SPECC1: variants seen among roughly 807,000 people sequenced by gnomAD.
The protein encoded by SPECC1 is sperm antigen with calponin homology and coiled-coil domains 1.
In SPECC1, 62 loss-of-function variants were observed where a neutral mutation model predicts 104.1. The observed-to-expected ratio is 0.60, with a 90% CI of 0.49 to 0.74. The LOEUF (loss-of-function observed/expected upper bound fraction) is 0.74, where lower values mean the gene tolerates loss of function less well. SPECC1 is among the 30% of genes least tolerant of loss of function. SPECC1 has a pLI of 0.00. For synonymous variants in SPECC1, 513 were observed against 501.6 expected, an observed-to-expected ratio of 1.02 and a Z score of -0.30; for missense variants, 1,306 against 1,310.5, an observed-to-expected ratio of 1.00 and a Z score of 0.05.
chr17:20,257,319 A>G (rs2151584062), intron 10 of SPECC1, 132 bp from the exon 11 acceptor site: 1 of 1,071,108 alleles, frequency 9.3e-7, no homozygotes, highest in East Asian at 2.7e-5. Flanking sequence ...TTGCATTTTT[A>G]TTACTTCAGA....
At chr17:20,182,093 T>C (rs1049828564) in intron 3 of SPECC1, among the ~76,000 whole-genome samples, 2 of 143,116 alleles carry the variant, frequency 1.4e-5, no homozygotes, top group Non-Finnish European at 3.0e-5. Context: ...CAGACAAACC[T>C]CAATTTTTTC....
At chr17:20,235,178 C>T (rs1389642717) in intron 7 of SPECC1, among the ~76,000 whole-genome samples, 1 of 152,058 alleles carries the variant, frequency 6.6e-6, no homozygotes, top group Admixed American at 6.6e-5. Context: ...GTAAGAAACT[C>T]CAGTGCCAGC....
At chr17:20,147,081 A>ATTTT (rs71157859) in intron 3 of SPECC1, among the ~76,000 whole-genome samples, 2 of 125,698 alleles carry the variant, frequency 1.6e-5, no homozygotes, top group African/African-American at 3.0e-5. Flanking sequence ...ATGGATCGTG[A>ATTTT]TTTTTTTTTT....
In SPECC1 at chr17:20,315,513, G is replaced by A. The variant is rs1409524857; in HGVS notation, c.*1448G>A. 1.3e-5 allele frequency: 3 copies of A among 232,766 alleles called. No homozygotes were observed. Among genetic ancestry groups the A allele is most frequent in the East Asian group, 1.2e-4 (2 of 16,508 alleles). The allele number at this position is 232,766 out of a possible 1,614,324, so 14.4% of individuals were successfully genotyped here. A position where few individuals can be genotyped will look rare whatever the true frequency, so the allele number is the denominator to read the frequency against. On this transcript the variant is annotated 3_prime_UTR_variant, in exon 15 of 15. Coordinates refer to ENST00000395527, the MANE Select transcript of SPECC1 (RefSeq NM_001243439.2). ...GGGAAATGGGTAATGCCCATCCCTT[G>A]CTGTTTTAAGTGCCAAATAGCGTGT...
chr17:20,275,461 G>C (rs1215406318), intron 12 of SPECC1, among the ~76,000 whole-genome samples: 1 of 152,082 alleles, frequency 6.6e-6, no homozygotes, highest in African/African-American at 2.4e-5. Context: ...TTCTGTAGTA[G>C]GATTAATGAC....
chr17:20,249,734 G>A (rs1008225271), intron 9 of SPECC1, among the ~76,000 whole-genome samples: 16 of 152,084 alleles, frequency 1.1e-4, no homozygotes, highest in Admixed American at 1.0e-3. Context: ...TTAAAGAACT[G>A]AAGACAAGTC....
intron 4 of SPECC1, among the ~76,000 whole-genome samples, chr17:20,216,517 T>C (rs1229538374): frequency 1.3e-5 from 2 of 151,644 alleles, no homozygotes; most frequent in Non-Finnish European, 2.9e-5. Context: ...ACAAGCATGG[T>C]GTGGGGGTGG....
chr17:20,246,094 A>G (rs752380197), intron 8 of SPECC1, 23 bp downstream of exon 8: 7 of 1,611,792 alleles, frequency 4.3e-6, no homozygotes, highest in South Asian at 2.2e-5. Flanking sequence ...TTTTTCTATA[A>G]GCAAAGCTCC....
chr17:20,305,781 T>G (rs2041742058), intron 13 of SPECC1: 2 of 440,410 alleles, frequency 4.5e-6, no homozygotes, highest in South Asian at 4.1e-5. Flanking sequence ...ACCTAAATCT[T>G]GACAAAGGTA....
Position 20,205,584 on chromosome 17 carries a change from T to G in SPECC1, c.1535T>G (p.Leu512Arg). The G allele has an allele frequency of 6.2e-7, 1 of 1,614,068 alleles. No homozygotes were observed. Among genetic ancestry groups the G allele is most frequent in the Non-Finnish European group, 8.5e-7 (1 of 1,180,012 alleles). Reference protein sequence around the residue: ...NQGALEMIKRLKEENEKLNEF... With the variant: ...NQGALEMIKRRKEENEKLNEF... ...GGAGCTTTAGAAATGATTAAACGTC[T>G]GAAGGAAGAAAATGAAAAACTGAAT... The change falls in exon 4 of 15, where the codon CTG becomes CGG. Residue 512 changes from leucine (L) to arginine (R), a missense_variant. Leu to Arg is a moderately radical substitution (Grantham distance 102, BLOSUM62 -2). Transcript: ENST00000395527.
chr17:20,211,459 C>T (rs2037143528), intron 4 of SPECC1, among the ~76,000 whole-genome samples: 1 of 152,250 alleles, frequency 6.6e-6, no homozygotes, highest in Non-Finnish European at 1.5e-5. Context: ...TAAGCCTCTG[C>T]TCAAGGGGCT....
At chr17:20,211,626 G>A (rs1000640436) in intron 4 of SPECC1, among the ~76,000 whole-genome samples, 1 of 152,358 alleles carries the variant, frequency 6.6e-6, no homozygotes, top group Non-Finnish European at 1.5e-5. Flanking sequence ...GGAACTCATG[G>A]CATGTCTGCC....
chr17:20,258,316 G>A (rs933928094), intron 11 of SPECC1, among the ~76,000 whole-genome samples: 2 of 152,170 alleles, frequency 1.3e-5, no homozygotes, highest in African/African-American at 4.8e-5. Context: ...GTTGGCAGAG[G>A]GAGAGGATGG....
intron 3 of SPECC1, among the ~76,000 whole-genome samples, chr17:20,164,533 G>C (rs1294292614): frequency 6.6e-6 from 1 of 152,100 alleles, no homozygotes; most frequent in East Asian, 1.9e-4. Context: ...ACAGGGACAA[G>C]GTTGGGATTC....
chr17:20,213,262 T>C (rs1219243663), intron 4 of SPECC1, among the ~76,000 whole-genome samples: 1 of 152,040 alleles, frequency 6.6e-6, no homozygotes, highest in Non-Finnish European at 1.5e-5. Context: ...TATGCCCAAT[T>C]TTTTATTTTT....
Position 20,247,320 on chromosome 17 carries a change from GTA to G in SPECC1, c.2598+2_2598+3del. The G allele has an allele frequency of 6.2e-7, 1 of 1,609,346 alleles. No homozygotes were observed. Among genetic ancestry groups the G allele is most frequent in the South Asian group, 1.1e-5 (1 of 90,566 alleles). On this transcript the variant is annotated splice_donor_variant and splice_donor_region_variant and intron_variant, in intron 9 of 14. Transcript: ENST00000395527. LOFTEE classifies it high-confidence loss of function. ...AGCAGCTGCTGTCTCTCCAATGCAG[GTA>G]GATGAGCCCCAGAAATAACCACTGC...
At chr17:20,272,480 A>G (rs2040442045) in intron 12 of SPECC1, among the ~76,000 whole-genome samples, 1 of 152,198 alleles carries the variant, frequency 6.6e-6, no homozygotes, top group Non-Finnish European at 1.5e-5. Flanking sequence ...ACCAATCTCT[A>G]GAATGTTTTC....
At chr17:20,115,050 G>A (rs1242715107) in intron 3 of SPECC1, among the ~76,000 whole-genome samples, 1 of 152,096 alleles carries the variant, frequency 6.6e-6, no homozygotes, top group African/African-American at 2.4e-5. Context: ...ACTGCAGAAG[G>A]ATCCGAAAGA....
chr17:20,120,762 A>T (rs1430187454), intron 3 of SPECC1, among the ~76,000 whole-genome samples: 1 of 152,192 alleles, frequency 6.6e-6, no homozygotes, highest in Non-Finnish European at 1.5e-5. Flanking sequence ...TGTGATTTTG[A>T]ACTTACAAGA....
Sources: allele counts gnomAD v4.1 joint callset (sites outside exome capture counted in the v4.1 genomes callset), GRCh38; gene constraint gnomAD v4.1.1; transcripts MANE v1.5; gene names NCBI Gene and HGNC (gene_info 2026-07-23, HGNC 2026-07-21).